Variants in NDST4 observed in about 807,000 individuals in gnomAD.
NDST4 encodes the protein N-deacetylase and N-sulfotransferase 4, also known as N-heparan sulfate sulfotransferase 4.
Under a neutral mutation model 100.8 loss-of-function variants are expected in NDST4, and 63 were observed. The ratio of observed to expected loss-of-function variants is 0.62; its 90% CI spans 0.51 to 0.77. The LOEUF (loss-of-function observed/expected upper bound fraction) is 0.77, where lower values mean the gene tolerates loss of function less well. Among genes scored for constraint, NDST4 ranks in the 30% least tolerant of loss-of-function variants. The probability of loss-of-function intolerance (pLI) is 0.00; values close to 1 mark genes in which losing one functional copy is unlikely to be tolerated. For missense variants in NDST4, 943 were observed against 1,018.4 expected, an observed-to-expected ratio of 0.93 and a Z score of 1.01; for synonymous variants, 377 against 361.8, an observed-to-expected ratio of 1.04 and a Z score of -0.48.
chr4:115,082,020 T>C (rs1215240631), intron 1 of NDST4, among the ~76,000 whole-genome samples: 1 of 152,192 alleles, frequency 6.6e-6, no homozygotes, highest in African/African-American at 2.4e-5. Context: ...GATCTACTCA[T>C]TATTTTCATG....
At chr4:114,999,864 T>C (rs920984403) in intron 2 of NDST4, among the ~76,000 whole-genome samples, 12 of 152,126 alleles carry the variant, frequency 7.9e-5, no homozygotes, top group African/African-American at 2.9e-4. Flanking sequence ...AAACTTGTAA[T>C]TGATATGTCT....
In NDST4 at chr4:115,010,249, C is replaced by T. The variant is rs866112282; in HGVS notation, c.979-32975G>A. Among the ~76,000 whole-genome samples the T allele has an allele frequency of 3.2e-4, 40 of 123,824 alleles. 10 individuals carry two copies. The highest frequency in any genetic ancestry group is 8.8e-3 in the Middle Eastern group (2 of 228). 81.2% of individuals were successfully genotyped at this position (123,824 alleles called of 152,430 possible). A position where few individuals can be genotyped will look rare whatever the true frequency, so the allele number is the denominator to read the frequency against. ...GACACATGCACACGTATGTTTATTG[C>T]GGCGCTATTCACAATAGCAAAGACT... On this transcript the variant is annotated intron_variant, in intron 2 of 13. Transcript: ENST00000264363.
intron 6 of NDST4, among the ~76,000 whole-genome samples, chr4:114,911,048 A>C (rs1725051187): frequency 6.6e-6 from 1 of 152,214 alleles, no homozygotes; most frequent in Non-Finnish European, 1.5e-5. Flanking sequence ...AGATTGTTTT[A>C]AAACGTAATC....
At chr4:114,919,587 G>C (rs1725246170) in intron 6 of NDST4, among the ~76,000 whole-genome samples, 1 of 152,192 alleles carries the variant, frequency 6.6e-6, no homozygotes, top group South Asian at 2.1e-4. Flanking sequence ...AAGTGAGTAA[G>C]TGAAGGTCAG....
At chr4:115,036,688 A>G (rs1476034042) in intron 2 of NDST4, among the ~76,000 whole-genome samples, 1 of 151,932 alleles carries the variant, frequency 6.6e-6, no homozygotes, top group Non-Finnish European at 1.5e-5. Context: ...CTAAAGGTAG[A>G]GAATTATCAT....
At chr4:114,926,885 G>T (rs1299560169) in intron 6 of NDST4, among the ~76,000 whole-genome samples, 3 of 151,986 alleles carry the variant, frequency 2.0e-5, no homozygotes, top group African/African-American at 7.2e-5. Flanking sequence ...TACTCTAGAG[G>T]GGAAAATTCC....
intron 2 of NDST4, among the ~76,000 whole-genome samples, chr4:115,038,093 T>C (rs563043617): frequency 1.1e-4 from 16 of 152,180 alleles, no homozygotes; most frequent in Admixed American, 3.9e-4. Context: ...TGCTGACATA[T>C]AACACCTGTT....
chr4:114,946,270 G>A (rs547747374), intron 4 of NDST4, among the ~76,000 whole-genome samples: 116 of 151,490 alleles, frequency 7.7e-4, no homozygotes, highest in African/African-American at 2.7e-3. Context: ...TTCATGGTGA[G>A]GATACAGCAG....
intron 2 of NDST4, among the ~76,000 whole-genome samples, chr4:115,027,819 C>G (rs1728020847): frequency 1.3e-5 from 2 of 152,032 alleles, no homozygotes; most frequent in Admixed American, 1.3e-4. Flanking sequence ...TTTGGGAGGC[C>G]AAGGCGGGCA....
At chr4:114,934,263 A>G (rs972451568) in intron 6 of NDST4, among the ~76,000 whole-genome samples, 2 of 152,156 alleles carry the variant, frequency 1.3e-5, no homozygotes, top group Admixed American at 6.5e-5. Flanking sequence ...AAAGACAAAT[A>G]CTTCATGATC....
intron 2 of NDST4, among the ~76,000 whole-genome samples, chr4:115,066,175 A>T (rs1728941604): frequency 6.6e-6 from 1 of 152,204 alleles, no homozygotes; most frequent in Non-Finnish European, 1.5e-5. Context: ...TACTTTACAT[A>T]TTTGTATGAA....
chr4:115,054,479 A>G (rs1359832575), intron 2 of NDST4, among the ~76,000 whole-genome samples: 1 of 152,202 alleles, frequency 6.6e-6, no homozygotes, highest in African/African-American at 2.4e-5. Context: ...TTTATGTTTT[A>G]AAGAAGTAAT....
chr4:114,941,510 T>A (rs1382766944), intron 4 of NDST4, among the ~76,000 whole-genome samples: 1 of 152,152 alleles, frequency 6.6e-6, no homozygotes, highest in African/African-American at 2.4e-5. Flanking sequence ...TTTATGAAAA[T>A]GAGTTTCAGC....
intron 1 of NDST4, among the ~76,000 whole-genome samples, chr4:115,112,202 A>G (rs74820205): frequency 4.3e-5 from 6 of 139,122 alleles, no homozygotes; most frequent in Non-Finnish European, 7.6e-5. Flanking sequence ...TTTGATATGA[A>G]AAAAAAAAAA....
chr4:114,889,083 T>C (rs1724539261), intron 6 of NDST4, among the ~76,000 whole-genome samples: 1 of 152,186 alleles, frequency 6.6e-6, no homozygotes, highest in Non-Finnish European at 1.5e-5. Context: ...AAATGACTAC[T>C]TCCTTGATGG....
At chr4:114,988,671 T>A (rs1266559707) in intron 2 of NDST4, among the ~76,000 whole-genome samples, 1 of 152,134 alleles carries the variant, frequency 6.6e-6, no homozygotes, top group African/African-American at 2.4e-5. Context: ...TACATACGTC[T>A]TTAAATGTGT....
At chr4:115,053,709 G>T (rs147763798) in intron 2 of NDST4, among the ~76,000 whole-genome samples, 38 of 152,166 alleles carry the variant, frequency 2.5e-4, no homozygotes, top group Admixed American at 2.0e-3. Context: ...TTTTTACACT[G>T]TGCAGGAAAA....
chr4:115,047,408 G>A (rs1011409323), intron 2 of NDST4, among the ~76,000 whole-genome samples: 3 of 152,030 alleles, frequency 2.0e-5, no homozygotes, highest in African/African-American at 7.2e-5. Flanking sequence ...ATGGGTTTTA[G>A]CATATTCCTT....
chr4:115,033,766 T>C (rs1444945210), intron 2 of NDST4, among the ~76,000 whole-genome samples: 1 of 151,188 alleles, frequency 6.6e-6, no homozygotes, highest in Admixed American at 6.6e-5. Context: ...TTGAACGATG[T>C]TTATCAAGCA....
Sources: allele counts gnomAD v4.1 joint callset (sites outside exome capture counted in the v4.1 genomes callset), GRCh38; gene constraint gnomAD v4.1.1; transcripts MANE v1.5; gene names NCBI Gene and HGNC (gene_info 2026-07-23, HGNC 2026-07-21).